The following IHO1 variants were observed in gnomAD, a reference collection of about 807,000 sequenced individuals.
IHO1 encodes the protein interactor of HORMAD1 protein 1.
A neutral mutation model predicts 31.0 loss-of-function variants in IHO1; 13 were observed. That is an observed-to-expected ratio of 0.42 (90% CI 0.27 to 0.67). The LOEUF is 0.67. Among genes scored for constraint, IHO1 ranks in the 30% least tolerant of loss-of-function variants. The pLI, the probability that IHO1 is intolerant of heterozygous loss-of-function variation, is 0.24. For synonymous variants in IHO1, 221 were observed against 248.4 expected (o/e 0.89, Z 1.04); for missense variants, 599 against 687.5 (o/e 0.87, Z 1.44).
At chr3:49,219,378 G>T (rs919237344) in intron 2 of IHO1, among the ~76,000 whole-genome samples, 2 of 152,232 alleles carry the variant, frequency 1.3e-5, no homozygotes, top group African/African-American at 2.4e-5. Flanking sequence ...TGTTCCTGCT[G>T]CAGATAACTA....
chr3:49,202,439 C>T (rs1468121544), intron 1 of IHO1, among the ~76,000 whole-genome samples: 2 of 149,576 alleles, frequency 1.3e-5, no homozygotes, highest in Non-Finnish European at 3.0e-5. Context: ...CATTCTCCTG[C>T]CTCAGCCTCC....
chr3:49,197,037 G>A (rs1416468252), upstream of IHO1, among the ~76,000 whole-genome samples: 37 of 140,426 alleles, frequency 2.6e-4, no homozygotes, highest in African/African-American at 6.5e-4. Context: ...CTGGAGTGCC[G>A]TGGCGCCATC....
At chr3:49,250,072 G>A (rs1250396853) in intron 6 of IHO1, among the ~76,000 whole-genome samples, 1 of 152,156 alleles carries the variant, frequency 6.6e-6, no homozygotes, top group Admixed American at 6.5e-5. Flanking sequence ...AATATCTAAT[G>A]TTTATAGTCA....
At chr3:49,216,865 C>T (rs1575570268) in intron 2 of IHO1, among the ~76,000 whole-genome samples, 1 of 152,190 alleles carries the variant, frequency 6.6e-6, no homozygotes, top group East Asian at 1.9e-4. Flanking sequence ...GACATTTATG[C>T]AACCAACAGA....
At chr3:49,244,804 G>C in intron 6 of IHO1, 71 bp downstream of exon 6, 1 of 1,377,622 alleles carries the variant, frequency 7.3e-7, no homozygotes, top group Non-Finnish European at 1.0e-6. Flanking sequence ...TCTGACCCCA[G>C]CCTGGTTTCC....
intron 3 of IHO1, among the ~76,000 whole-genome samples, chr3:49,237,532 G>A (rs1216044924): frequency 6.6e-6 from 1 of 152,042 alleles, no homozygotes; most frequent in Non-Finnish European, 1.5e-5. Flanking sequence ...ATTTATATTT[G>A]CGGTTTCTTC....
upstream of IHO1, among the ~76,000 whole-genome samples, chr3:49,198,238 A>G (rs188770297): frequency 6.6e-6 from 1 of 152,186 alleles, no homozygotes; most frequent in East Asian, 1.9e-4. Context: ...TCCTCACTAC[A>G]TCACTGTAAC....
chr3:49,214,624 A>ATTTTTTT (rs2046264389), intron 2 of IHO1, among the ~76,000 whole-genome samples: 2 of 22,906 alleles, frequency 8.7e-5, no homozygotes, highest in African/African-American at 2.9e-4. Flanking sequence ...ATATATATAT[A>ATTTTTTT]TATATATATT....
intron 2 of IHO1, among the ~76,000 whole-genome samples, chr3:49,221,125 C>G (rs991112613): frequency 2.6e-5 from 4 of 152,120 alleles, no homozygotes; most frequent in East Asian, 3.8e-4. Context: ...TAGCTAGACA[C>G]AGAGTGCTGA....
In IHO1 at chr3:49,255,486, T is replaced by A. The variant is rs147164400; in HGVS notation, c.629T>A (p.Phe210Tyr). The A allele has an allele frequency of 6.3e-7, 1 of 1,598,338 alleles. No individual in the cohort carries two copies. Among genetic ancestry groups the A allele is most frequent in the Non-Finnish European group, 8.5e-7 (1 of 1,175,182 alleles). ...EQAILEMKKR[F>Y]EARQGEFIEM... ...GCCATCCTTGAGATGAAGAAAAGATTTGAAGCTGTAAGTGTAAACCCCAAC... is the reference window on the plus strand; with the variant it reads ...GCCATCCTTGAGATGAAGAAAAGATATGAAGCTGTAAGTGTAAACCCCAAC... The change falls in exon 7 of 8, where the codon TTT (phenylalanine) becomes TAT (tyrosine). Residue 210 changes from phenylalanine (F) to tyrosine (Y), a missense_variant. Physicochemically the swap from Phe to Tyr is conservative, Grantham distance 22 (BLOSUM62 3). Coordinates refer to ENST00000452691, the MANE Select transcript of IHO1 (RefSeq NM_001135197.2).
chr3:49,255,584 C>CTCTGTCTCAA, intron 7 of IHO1, 91 bp downstream of exon 7: 1 of 687,954 alleles, frequency 1.5e-6, no homozygotes, highest in Non-Finnish European at 2.2e-6. Flanking sequence ...TTTTTTGAGA[C>CTCTGTCTCAA]AGAGTCTCGC....
chr3:49,245,578 C>G (rs1174817995), intron 6 of IHO1: 1 of 152,212 alleles, frequency 6.6e-6, no homozygotes, highest in Non-Finnish European at 1.5e-5. Flanking sequence ...GGCCCTTGCC[C>G]TATAAACAGA....
At chr3:49,222,301 A>C (rs931687133) in intron 2 of IHO1, among the ~76,000 whole-genome samples, 5 of 152,182 alleles carry the variant, frequency 3.3e-5, no homozygotes, top group Admixed American at 6.5e-5. Flanking sequence ...CTGGTTTAAC[A>C]GAGAGTGGGT....
chr3:49,222,647 G>T (rs2046366759), intron 2 of IHO1, among the ~76,000 whole-genome samples: 1 of 152,170 alleles, frequency 6.6e-6, no homozygotes. Flanking sequence ...GCAAGGAGAG[G>T]TATTAAAGAT....
At chr3:49,250,010 T>G (rs1186795814) in intron 6 of IHO1, among the ~76,000 whole-genome samples, 1 of 152,248 alleles carries the variant, frequency 6.6e-6, no homozygotes, top group African/African-American at 2.4e-5. Context: ...AAACAGATAT[T>G]GTCCAGAATA....
At chr3:49,196,962 G>A (rs1441441414), upstream of IHO1, among the ~76,000 whole-genome samples, 8 of 142,074 alleles carry the variant, frequency 5.6e-5, no homozygotes, top group South Asian at 4.5e-4. Context: ...GAGCCACTGC[G>A]CCAGGCCACG....
chr3:49,241,506 A>G, intron 4 of IHO1, 117 bp downstream of exon 4: 1 of 886,898 alleles, frequency 1.1e-6, no homozygotes, highest in East Asian at 2.7e-5. Flanking sequence ...AGAGTTCTCC[A>G]GAGAAACCAA....
At chr3:49,201,762 C>CA (rs1423809356) in intron 1 of IHO1, among the ~76,000 whole-genome samples, 1 of 151,788 alleles carries the variant, frequency 6.6e-6, no homozygotes, top group African/African-American at 2.4e-5. Context: ...ACCAAAAATA[C>CA]AAAAAATTAG....
chr3:49,219,889 G>A (rs970766225), intron 2 of IHO1, among the ~76,000 whole-genome samples: 2 of 152,212 alleles, frequency 1.3e-5, no homozygotes, highest in Non-Finnish European at 2.9e-5. Context: ...AGTAATAGAA[G>A]AGGTAATGGA....
Sources: gnomAD v4.1 joint callset for allele counts (sites outside exome capture counted in the v4.1 genomes callset) on GRCh38, gnomAD v4.1.1 for gene constraint, MANE v1.5 for transcripts, NCBI Gene and HGNC (gene_info 2026-07-23, HGNC 2026-07-21) for gene names.